The following QTMAN variants were observed in gnomAD, a reference collection of about 807,000 sequenced individuals.
QTMAN encodes queuosine-tRNA mannosyltransferase, also known as tRNA-queuosine alpha-mannosyltransferase.
At chr2:144,207,226 A>G in the QTMAN span, among the ~76,000 whole-genome samples, 1 of 152,230 alleles carries the variant, frequency 6.6e-6, no homozygotes, top group African/African-American at 2.4e-5. Flanking sequence ...AATACGCACT[A>G]AAACAGCATT....
At chr2:144,192,841 C>T in the QTMAN span, among the ~76,000 whole-genome samples, 2 of 152,104 alleles carry the variant, frequency 1.3e-5, no homozygotes, top group Non-Finnish European at 2.9e-5. Flanking sequence ...TTACTAAAGC[C>T]GGTATCAATT....
At chr2:144,254,717 CCA>C in the QTMAN span, among the ~76,000 whole-genome samples, 1 of 152,200 alleles carries the variant, frequency 6.6e-6, no homozygotes, top group East Asian at 1.9e-4. Context: ...CCTAGAAAAG[CCA>C]CAGACACTAA....
At chr2:144,169,801 T>C in the QTMAN span, among the ~76,000 whole-genome samples, 2 of 152,112 alleles carry the variant, frequency 1.3e-5, no homozygotes, top group African/African-American at 4.8e-5. Context: ...CCCATTACAC[T>C]ATATCAAATC....
At chr2:144,190,313 G>C in the QTMAN span, among the ~76,000 whole-genome samples, 1 of 152,006 alleles carries the variant, frequency 6.6e-6, no homozygotes, top group Non-Finnish European at 1.5e-5. Context: ...AATCACAACA[G>C]GAAACTTGAT....
the QTMAN span, among the ~76,000 whole-genome samples, chr2:144,142,321 C>T: frequency 6.6e-6 from 1 of 151,776 alleles, no homozygotes. Context: ...CATGAGACTC[C>T]AAACCAAAGC....
the QTMAN span, among the ~76,000 whole-genome samples, chr2:144,280,373 G>A: frequency 6.6e-6 from 1 of 152,160 alleles, no homozygotes; most frequent in East Asian, 1.9e-4. Flanking sequence ...AGAAAAAGTT[G>A]TCTCCTAAAG....
chr2:144,151,461 C>A, the QTMAN span, among the ~76,000 whole-genome samples: 1 of 151,880 alleles, frequency 6.6e-6, no homozygotes, highest in Non-Finnish European at 1.5e-5. Flanking sequence ...AAGCAGACTG[C>A]AAGGAGTCAT....
the QTMAN span, among the ~76,000 whole-genome samples, chr2:144,198,715 G>T: frequency 1.3e-5 from 2 of 152,260 alleles, no homozygotes; most frequent in African/African-American, 4.8e-5. Flanking sequence ...AGAGTCCAGA[G>T]CAACAGAGCT....
the QTMAN span, among the ~76,000 whole-genome samples, chr2:144,123,964 G>C: frequency 6.6e-6 from 1 of 152,006 alleles, no homozygotes; most frequent in Non-Finnish European, 1.5e-5. Context: ...AAGAATACAG[G>C]AATTCCCTCT....
chr2:144,169,812 C>T, the QTMAN span, among the ~76,000 whole-genome samples: 2 of 151,912 alleles, frequency 1.3e-5, no homozygotes, highest in African/African-American at 4.8e-5. Flanking sequence ...ATATCAAATC[C>T]CTCAGCTTGA....
chr2:144,177,107 G>A, the QTMAN span: 1 of 699,456 alleles, frequency 1.4e-6, no homozygotes, highest in Non-Finnish European at 2.6e-6. Context: ...CCACCTCCAT[G>A]ATCCAATCAC....
chr2:144,231,553 A>G, the QTMAN span, among the ~76,000 whole-genome samples: 1 of 152,116 alleles, frequency 6.6e-6, no homozygotes, highest in Non-Finnish European at 1.5e-5. Context: ...TATACAATTT[A>G]TTGTCTATAA....
chr2:144,251,749 ACTT>A, the QTMAN span, among the ~76,000 whole-genome samples: 1 of 152,208 alleles, frequency 6.6e-6, no homozygotes, highest in East Asian at 1.9e-4. Context: ...AAAATGAAAA[ACTT>A]CTGCTCTGTG....
chr2:144,022,871 C>A, the QTMAN span, among the ~76,000 whole-genome samples: 4 of 152,018 alleles, frequency 2.6e-5, no homozygotes, highest in South Asian at 6.2e-4. Context: ...TTTATCAATT[C>A]TCTCTTTATC....
At chr2:144,064,300 A>G in the QTMAN span, among the ~76,000 whole-genome samples, 2 of 152,262 alleles carry the variant, frequency 1.3e-5, no homozygotes. Flanking sequence ...TACATTACCT[A>G]CATTCTGAGA....
the QTMAN span, chr2:143,942,381 G>A: frequency 6.0e-6 from 1 of 167,292 alleles, no homozygotes; most frequent in African/African-American, 2.4e-5. Flanking sequence ...AGATACCCGG[G>A]AGAACTCTTC....
chr2:144,260,375 C>A, the QTMAN span, among the ~76,000 whole-genome samples: 1 of 151,868 alleles, frequency 6.6e-6, no homozygotes, highest in African/African-American at 2.4e-5. Flanking sequence ...GGGAAAACAT[C>A]TGAAGTGATG....
chr2:144,093,044 G>C, the QTMAN span, among the ~76,000 whole-genome samples: 1 of 152,086 alleles, frequency 6.6e-6, no homozygotes, highest in African/African-American at 2.4e-5. Flanking sequence ...TATTTATATG[G>C]TGGAAAAAAT....
the QTMAN span, among the ~76,000 whole-genome samples, chr2:144,003,770 A>T: frequency 6.6e-6 from 1 of 152,030 alleles, no homozygotes; most frequent in Non-Finnish European, 1.5e-5. Context: ...GTCACTTTTG[A>T]TTTTGATACA....
Sources: gnomAD v4.1 joint callset for allele counts (sites outside exome capture counted in the v4.1 genomes callset) on GRCh38, gnomAD v4.1.1 for gene constraint, MANE v1.5 for transcripts, NCBI Gene and HGNC (gene_info 2026-07-23, HGNC 2026-07-21) for gene names.